Variants in CACNA1A observed in about 807,000 individuals in gnomAD.
CACNA1A encodes calcium voltage-gated channel subunit alpha1 A, also known as voltage-dependent P/Q-type calcium channel subunit alpha-1A.
A neutral mutation model predicts 262.4 loss-of-function variants in CACNA1A; 57 were observed. That is an observed-to-expected ratio of 0.22 (90% CI 0.18 to 0.27). The LOEUF is 0.27. CACNA1A is among the 10% of genes least tolerant of loss of function. CACNA1A has a pLI of 1.00. For missense variants in CACNA1A, 2,526 were observed against 3,562.8 expected (o/e 0.71, Z 7.41); for synonymous variants, 1,431 against 1,419.3 (o/e 1.01, Z -0.18).
chr19:13,488,959 G>GAAACTC (rs1418760245), intron 1 of CACNA1A, among the ~76,000 whole-genome samples: 134 of 149,608 alleles, frequency 9.0e-4, no homozygotes, highest in African/African-American at 3.1e-3. Flanking sequence ...TGTGGCCAGT[G>GAAACTC]AAACTCAGGG....
At chr19:13,326,058 G>A (rs1337142528) in intron 10 of CACNA1A, among the ~76,000 whole-genome samples, 1 of 152,066 alleles carries the variant, frequency 6.6e-6, no homozygotes, top group Non-Finnish European at 1.5e-5. Context: ...GCTAACACCT[G>A]TAATCCCAGC....
chr19:13,414,776 G>A lies in CACNA1A; in HGVS notation c.539+38100C>T, dbSNP rs149639540. On this transcript the variant is annotated intron_variant, in intron 3 of 46. Coordinates refer to ENST00000360228, the MANE Select transcript of CACNA1A (RefSeq NM_001127222.2). ...AGTTAGAGACCAGCCTGGGCAACAC[G>A]GCGAAACTCCATTTCTACCAAAAGT... Among the ~76,000 whole-genome samples, 470 of 151,762 alleles carry A rather than the reference G, an allele frequency of 3.1e-3. 1 individual carries two copies. The highest frequency in any genetic ancestry group is 0.011 in the African/African-American group (446 of 41,362).
In CACNA1A at chr19:13,209,412, C is replaced by A; in HGVS notation, c.6426G>T (p.Arg2142=). Residue 2142 remains arginine, a synonymous_variant, in exon 45 of 47, where the codon CGG becomes CGT. Coordinates refer to ENST00000360228, the MANE Select transcript of CACNA1A (RefSeq NM_001127222.2). ...ARRLDDYSLE[R]VPPEENQRHH... ...GCCGCTGGTTCTCCTCGGGCGGGAC[C>A]CGCTCCAGCGAGTAATCGTCCAGGC... 7.2e-7 allele frequency: 1 copy of A among 1,394,942 alleles called. No individual in the cohort carries two copies. The highest frequency in any genetic ancestry group is 9.3e-7 in the Non-Finnish European group (1 of 1,070,594). The allele number at this position is 1,394,942 out of a possible 1,614,324, so 86.4% of individuals were successfully genotyped here.
chr19:13,303,899 A>G lies in CACNA1A; in HGVS notation c.1987-15T>C. On this transcript the variant is annotated splice_polypyrimidine_tract_variant and intron_variant, in intron 15 of 46. Coordinates refer to ENST00000360228, the MANE Select transcript of CACNA1A (RefSeq NM_001127222.2). The stretch of plus-strand genomic sequence containing the variant: ...CCCGTCAGGATCTGAAAGGGGAGGA[A>G]GAAACACACAGCCAACCCCCCTCTC... 1 of 1,568,412 alleles carries G rather than the reference A, an allele frequency of 6.4e-7. No individual in the cohort carries two copies. The highest frequency in any genetic ancestry group is 8.8e-7 in the Non-Finnish European group (1 of 1,141,336).
intron 3 of CACNA1A, among the ~76,000 whole-genome samples, chr19:13,398,124 G>A (rs1030937997): frequency 6.6e-6 from 1 of 152,058 alleles, no homozygotes; most frequent in Non-Finnish European, 1.5e-5. Context: ...TTAGCCAGGT[G>A]TGGTGGCGGG....
chr19:13,471,375 G>A (rs994161625), intron 1 of CACNA1A, among the ~76,000 whole-genome samples: 4 of 152,024 alleles, frequency 2.6e-5, no homozygotes, highest in East Asian at 3.9e-4. Context: ...GTTATGAATT[G>A]TACCACCAGC....
At chr19:13,421,431 GC>G (rs1431834253) in intron 3 of CACNA1A, among the ~76,000 whole-genome samples, 1 of 152,082 alleles carries the variant, frequency 6.6e-6, no homozygotes, top group African/African-American at 2.4e-5. Flanking sequence ...GGGAAGGAAA[GC>G]AGATAATTTA....
intron 10 of CACNA1A, 42 bp downstream of exon 10, chr19:13,330,202 T>C (rs768333067): frequency 5.7e-6 from 8 of 1,400,870 alleles, no homozygotes; most frequent in African/African-American, 1.4e-5. Flanking sequence ...TCTTGGGCGA[T>C]AGGTGATGAA....
intron 38 of CACNA1A, among the ~76,000 whole-genome samples, chr19:13,217,215 G>C (rs773869568): frequency 3.3e-4 from 45 of 136,382 alleles, no homozygotes; most frequent in Admixed American, 1.6e-4. Context: ...GGGTGGGAGA[G>C]AGAAACAGAT....
At chr19:13,275,813 G>A (rs1298128271) in intron 24 of CACNA1A, 37 bp downstream of exon 24, 46 of 1,408,168 alleles carry the variant, frequency 3.3e-5, no homozygotes, top group Non-Finnish European at 4.6e-5. Context: ...GGGGTTGGGG[G>A]AAAAGAGGCA....
chr19:13,396,904 C>T (rs1008202694), intron 3 of CACNA1A, among the ~76,000 whole-genome samples: 7 of 152,026 alleles, frequency 4.6e-5, no homozygotes, highest in Admixed American at 6.6e-5. Flanking sequence ...TGCTTCCCTG[C>T]TCCCTCCCTG....
chr19:13,356,411 G>T (rs1473042748), intron 6 of CACNA1A, among the ~76,000 whole-genome samples: 1 of 152,206 alleles, frequency 6.6e-6, no homozygotes, highest in Non-Finnish European at 1.5e-5. Context: ...AAGTGGAAGA[G>T]TCGGAAGGAA....
rs1244229103 is a variant in CACNA1A, at chr19:13,307,817, C to T, written c.1951G>A (p.Asp651Asn). The stretch of plus-strand genomic sequence containing the variant: ...GTCATTATTGCTGCTGGAAAAGTAT[C>T]GAAGTTGGTGGGAGGAGTCCCTTCA... ...FDEGTPPTNFDTFPAAIMTVF... is the reference protein window; with the variant it reads ...FDEGTPPTNFNTFPAAIMTVF... Residue 651 changes from aspartate to asparagine, a missense_variant, in exon 15 of 47, where the codon GAT (aspartate) becomes AAT (asparagine). Physicochemically the swap from Asp to Asn is conservative, Grantham distance 23 (BLOSUM62 1). Transcript: ENST00000360228. 1.9e-6 allele frequency: 3 copies of T among 1,613,858 alleles called. No individual in the cohort carries two copies. Among genetic ancestry groups the T allele is most frequent in the East Asian group, 2.2e-5 (1 of 44,886 alleles).
At chr19:13,427,794 C>A (rs1014732712) in intron 3 of CACNA1A, among the ~76,000 whole-genome samples, 31 of 152,100 alleles carry the variant, frequency 2.0e-4, no homozygotes, top group Non-Finnish European at 3.5e-4. Flanking sequence ...AACAAACAAA[C>A]AAACAAACAA....
intron 31 of CACNA1A, chr19:13,244,790 T>G: frequency 5.3e-6 from 1 of 187,418 alleles, no homozygotes; most frequent in Non-Finnish European, 1.1e-5. Context: ...AGAGGGTTGG[T>G]TCAAACAGAA....
intron 6 of CACNA1A, among the ~76,000 whole-genome samples, chr19:13,337,116 C>T (rs1313677150): frequency 6.6e-6 from 1 of 152,200 alleles, no homozygotes; most frequent in Non-Finnish European, 1.5e-5. Flanking sequence ...CAACTGGAAC[C>T]CTCATAATCT....
chr19:13,219,042 A>AT (rs554840529), intron 38 of CACNA1A, among the ~76,000 whole-genome samples: 401 of 118,000 alleles, frequency 3.4e-3, no homozygotes, highest in Middle Eastern at 0.012. Flanking sequence ...CCCTTTGCAG[A>AT]TTTTTTTTTT....
At chr19:13,370,584 C>G (rs1426990454) in intron 4 of CACNA1A, among the ~76,000 whole-genome samples, 1 of 150,570 alleles carries the variant, frequency 6.6e-6, no homozygotes, top group Non-Finnish European at 1.5e-5. Context: ...CACCATCATG[C>G]CTGCTAATTT....
At chr19:13,430,887 C>T (rs2060493385) in intron 3 of CACNA1A, among the ~76,000 whole-genome samples, 1 of 151,734 alleles carries the variant, frequency 6.6e-6, no homozygotes, top group Non-Finnish European at 1.5e-5. Flanking sequence ...GAGCAAAGAC[C>T]CAAAGGAAGT....
Sources: allele counts gnomAD v4.1 joint callset (sites outside exome capture counted in the v4.1 genomes callset), GRCh38; gene constraint gnomAD v4.1.1; transcripts MANE v1.5; gene names NCBI Gene and HGNC (gene_info 2026-07-23, HGNC 2026-07-21).